The following SAMD4B variants were observed in gnomAD, a reference collection of about 807,000 sequenced individuals.
SAMD4B encodes sterile alpha motif domain containing 4B, also known as protein Smaug homolog 2.
In SAMD4B, 5 loss-of-function variants were observed where a neutral mutation model predicts 74.5. The observed-to-expected ratio is 0.07, with a 90% CI of 0.04 to 0.14. The LOEUF is 0.14. Ranked by LOEUF, SAMD4B falls within the 10% of genes least tolerant of loss-of-function variation. The pLI, the probability that SAMD4B is intolerant of heterozygous loss-of-function variation, is 1.00. For missense variants in SAMD4B, 608 were observed against 921.8 expected, an observed-to-expected ratio of 0.66 and a Z score of 4.41; for synonymous variants, 373 against 374.9, an observed-to-expected ratio of 1.00 and a Z score of 0.06.
At chr19:39,379,141 G>T (rs1243014691) in intron 9 of SAMD4B, among the ~76,000 whole-genome samples, 1 of 151,292 alleles carries the variant, frequency 6.6e-6, no homozygotes, top group Non-Finnish European at 1.5e-5. Context: ...TTCCACCTCA[G>T]CCTCCCAAAG....
At chr19:39,376,272 G>A (rs936133039) in intron 5 of SAMD4B, among the ~76,000 whole-genome samples, 165 bp from the exon 6 acceptor site, 1 of 152,186 alleles carries the variant, frequency 6.6e-6, no homozygotes, top group Non-Finnish European at 1.5e-5. Flanking sequence ...TGAGGGTCTG[G>A]CTAGGCAGAT....
At chr19:39,389,169 G>A (rs2078317718), downstream of SAMD4B, 2 of 1,613,914 alleles carry the variant, frequency 1.2e-6, no homozygotes, top group Non-Finnish European at 1.7e-6. The surrounding 1 kb of genome is among the most constrained non-coding windows in gnomAD (Gnocchi z 5.3). Context: ...TTCTTCCTCG[G>A]TAAACTGCTG....
chr19:39,357,079 C>T lies in SAMD4B; in HGVS notation c.186C>T (p.Ala62=), dbSNP rs2145417945. 1 of 1,609,466 alleles carries T rather than the reference C, an allele frequency of 6.2e-7. No homozygotes were observed. Among genetic ancestry groups the T allele is most frequent in the African/African-American group, 1.3e-5 (1 of 74,936 alleles). Residue 62 remains alanine (A), a synonymous_variant, in exon 3 of 14, where the codon GCC becomes GCT. Transcript: ENST00000610417. ...CNDIHLLESE[A]NSAAIVSQWQ... is the part of the protein sequence containing the mutation. ...ACATCCACCTGCTGGAGTCGGAGGCCAACAGTGCTGGTGAGTTTCCACCCT... is the reference window on the plus strand; with the variant it reads ...ACATCCACCTGCTGGAGTCGGAGGCTAACAGTGCTGGTGAGTTTCCACCCT...
intron 3 of SAMD4B, among the ~76,000 whole-genome samples, chr19:39,366,591 C>T (rs1450523134): frequency 6.6e-6 from 1 of 152,166 alleles, no homozygotes; most frequent in Non-Finnish European, 1.5e-5. Flanking sequence ...GATTCATTTT[C>T]CTAAGGCTAC....
intron 1 of SAMD4B, chr19:39,351,062 A>G (rs541554000): frequency 6.6e-6 from 1 of 151,272 alleles, no homozygotes; most frequent in South Asian, 2.1e-4. Context: ...GCTCACTGCA[A>G]CCTCTGCCTC....
intron 2 of SAMD4B, among the ~76,000 whole-genome samples, chr19:39,354,424 G>GAGCT (rs1466816993): frequency 2.0e-5 from 3 of 151,848 alleles, no homozygotes; most frequent in Non-Finnish European, 4.4e-5. Context: ...ACCATCCTAT[G>GAGCT]AGCTGTTCCT....
intron 9 of SAMD4B, among the ~76,000 whole-genome samples, chr19:39,379,533 A>G (rs1012478598): frequency 3.3e-5 from 5 of 152,204 alleles, no homozygotes; most frequent in African/African-American, 1.2e-4. Flanking sequence ...TCACCTCTGC[A>G]TCCCAGAATT....
Position 39,383,654 on chromosome 19 carries a change from C to G in SAMD4B, c.*127C>G. 1 of 1,588,390 alleles carries G rather than the reference C, an allele frequency of 6.3e-7. No individual in the cohort carries two copies. Among genetic ancestry groups the G allele is most frequent in the East Asian group, 2.3e-5 (1 of 43,442 alleles). On this transcript the variant is annotated 3_prime_UTR_variant, in exon 14 of 14. Transcript: ENST00000610417. The surrounding 1 kb of genome is among the most constrained non-coding windows in gnomAD (Gnocchi z 4.1). Reference sequence around the variant, plus strand: ...CTATATATTCTAATATTTTTCTACTCTCTTACCCTCTTAACTTTTGTTTAA... The same window carrying G: ...CTATATATTCTAATATTTTTCTACTGTCTTACCCTCTTAACTTTTGTTTAA...
chr19:39,383,436 T>A lies in SAMD4B; in HGVS notation c.2057-63T>A. 1 of 1,588,230 alleles carries A rather than the reference T, an allele frequency of 6.3e-7. No homozygotes were observed. The highest frequency in any genetic ancestry group is 2.2e-5 in the East Asian group (1 of 44,734). On this transcript the variant is annotated intron_variant, in intron 13 of 13. Coordinates refer to ENST00000610417, the MANE Select transcript of SAMD4B (RefSeq NM_001384574.2). The surrounding 1 kb of genome is among the most constrained non-coding windows in gnomAD (Gnocchi z 4.1). ...TGACTGGGATGACAGGCTACCTGAG[T>A]GCCTTTTCTTGGGCCTCCCTCCAGC...
chr19:39,381,937 T>C (rs1190687813), intron 12 of SAMD4B, among the ~76,000 whole-genome samples: 2 of 152,168 alleles, frequency 1.3e-5, no homozygotes, highest in East Asian at 3.9e-4. Flanking sequence ...CTCAAAAAGA[T>C]GTTGGGACAA....
chr19:39,375,938 G>T lies in SAMD4B; in HGVS notation c.907+49G>T. ...GGACCCTTTTCCAGGGGCTTCTGCA[G>T]AGCTTAGAGGACAGAAAGGAGCTTG... On this transcript the variant is annotated intron_variant, in intron 5 of 13. Transcript: ENST00000610417. This position sits in a 1 kb window ranked among gnomAD's most constrained non-coding sequence, Gnocchi z 4.1. 6.3e-7 allele frequency: 1 copy of T among 1,578,934 alleles called. No individual in the cohort carries two copies.
intron 6 of SAMD4B, 72 bp from the exon 7 acceptor site, chr19:39,376,633 C>G: frequency 6.3e-7 from 1 of 1,581,486 alleles, no homozygotes; most frequent in Non-Finnish European, 8.7e-7. Flanking sequence ...TCTCCTTGAT[C>G]TCTATTTGGG....
intron 3 of SAMD4B, among the ~76,000 whole-genome samples, chr19:39,359,417 T>A (rs2076521936): frequency 6.6e-6 from 1 of 152,264 alleles, no homozygotes; most frequent in Non-Finnish European, 1.5e-5. Context: ...CATTTCCTTA[T>A]GTTTTATGAG....
At position 39,385,553 on chromosome 19, in the gene SAMD4B, A is replaced by C; in HGVS notation, c.*2026A>C. The C allele has an allele frequency of 2.1e-6, 1 of 478,426 alleles. No individual in the cohort carries two copies. The highest frequency in any genetic ancestry group is 3.6e-6 in the Non-Finnish European group (1 of 275,490). 29.6% of individuals were successfully genotyped at this position (478,426 alleles called of 1,614,324 possible). ...CTCCATGATTTCACCCTCCCTACCC[A>C]CTTCTGTCCCCGGCCCCACTGGCAG... On this transcript the variant is annotated 3_prime_UTR_variant, in exon 14 of 14. Transcript: ENST00000610417.
intron 3 of SAMD4B, among the ~76,000 whole-genome samples, chr19:39,364,880 A>G (rs1179844322): frequency 1.3e-5 from 2 of 152,192 alleles, no homozygotes; most frequent in African/African-American, 4.8e-5. Context: ...CAGATGCTGA[A>G]GGGGATCTGG....
At chr19:39,369,242 G>T in intron 3 of SAMD4B, 1 of 241,362 alleles carries the variant, frequency 4.1e-6, no homozygotes, top group Non-Finnish European at 8.2e-6. Flanking sequence ...GCTATAGTGT[G>T]CTATGCTGAT....
chr19:39,389,986 G>A (rs942332631), downstream of SAMD4B: 2 of 1,190,732 alleles, frequency 1.7e-6, no homozygotes, highest in Non-Finnish European at 1.2e-6. This position sits in a 1 kb window ranked among gnomAD's most constrained non-coding sequence, Gnocchi z 5.3. Flanking sequence ...GCTAGGCCCT[G>A]AGCAGACAGC....
chr19:39,360,845 C>G (rs763198237), intron 3 of SAMD4B, among the ~76,000 whole-genome samples: 1 of 152,160 alleles, frequency 6.6e-6, no homozygotes, highest in Non-Finnish European at 1.5e-5. Flanking sequence ...TTTCTGCCCC[C>G]CATAGACCTA....
At chr19:39,381,523 T>C (rs1386805866) in intron 12 of SAMD4B, among the ~76,000 whole-genome samples, 1 of 152,204 alleles carries the variant, frequency 6.6e-6, no homozygotes, top group Non-Finnish European at 1.5e-5. Flanking sequence ...ATCAGCCTAC[T>C]GGGATTCTTT....
Sources: gnomAD v4.1 joint callset for allele counts (sites outside exome capture counted in the v4.1 genomes callset) on GRCh38, gnomAD v4.1.1 for gene constraint, Gnocchi (gnomAD v3.1) non-coding constraint, MANE v1.5 for transcripts, NCBI Gene and HGNC (gene_info 2026-07-23, HGNC 2026-07-21) for gene names.